The following LIM2 variants were observed in gnomAD, a reference collection of about 807,000 sequenced individuals.
The protein encoded by LIM2 is lens fiber membrane intrinsic protein.
Under a neutral mutation model 19.0 loss-of-function variants are expected in LIM2, and 14 were observed. The observed-to-expected ratio is 0.74, with a 90% CI of 0.49 to 1.15. The LOEUF (loss-of-function observed/expected upper bound fraction) is 1.15. Among genes scored for constraint, LIM2 ranks in the 50% most tolerant of loss-of-function variants. The probability of loss-of-function intolerance (pLI) is 0.00; values close to 1 mark genes in which losing one functional copy is unlikely to be tolerated. For missense variants in LIM2, 230 were observed against 243.5 expected (o/e 0.94, Z 0.37); for synonymous variants, 78 against 89.6 (o/e 0.87, Z 0.73).
At chr19:51,386,308 G>A (rs183583569) in intron 2 of LIM2, among the ~76,000 whole-genome samples, 88 of 150,900 alleles carry the variant, frequency 5.8e-4, no homozygotes, top group African/African-American at 2.1e-3. Flanking sequence ...ATTTTTAGTA[G>A]AGACCGGGTT....
chr19:51,387,069 A>G, intron 2 of LIM2, 200 bp downstream of exon 2: 1 of 984,592 alleles, frequency 1.0e-6, no homozygotes, highest in Admixed American at 2.0e-5. Flanking sequence ...TTAACCTTCA[A>G]ACCAGCACCC....
chr19:51,383,094 G>A lies in LIM2; in HGVS notation c.176-527C>T, dbSNP rs532352440. Among the ~76,000 whole-genome samples, 62 of 135,416 alleles carry A rather than the reference G, an allele frequency of 4.6e-4. 2 individuals carry two copies. The South Asian group carries it at 1.0e-2, about 22-fold the overall frequency. The allele number at this position is 135,416 out of a possible 152,430, so 88.8% of individuals were successfully genotyped here. A position where few individuals can be genotyped will look rare whatever the true frequency, so the allele number is the denominator to read the frequency against. On this transcript the variant is annotated intron_variant, in intron 2 of 4. Transcript: ENST00000596399. ...CTGCCACCCAGGCTGAAGTGCTGTG[G>A]CACAATCTCAGCTCACTGCAGCCTC...
chr19:51,387,863 C>T, intron 1 of LIM2, 56 bp downstream of exon 1: 1 of 232,334 alleles, frequency 4.3e-6, no homozygotes, highest in Admixed American at 5.2e-5. Context: ...AGCTGGGACC[C>T]TAGACTCCTG....
At chr19:51,381,158 A>G (rs140874820) in intron 3 of LIM2, among the ~76,000 whole-genome samples, 7 of 152,050 alleles carry the variant, frequency 4.6e-5, no homozygotes, top group Non-Finnish European at 8.8e-5. Context: ...TAAAAATACA[A>G]TAAAAAAAAA....
chr19:51,380,717 G>A (rs1035926581), intron 3 of LIM2, 78 bp from the exon 4 acceptor site: 2 of 1,557,586 alleles, frequency 1.3e-6, no homozygotes, highest in South Asian at 2.3e-5. Flanking sequence ...AGCTGATGAT[G>A]GGGGTGGGAA....
rs1030632672 is a variant in LIM2, at chr19:51,387,033, C to T, written c.175+236G>A. On this transcript the variant is annotated intron_variant, in intron 2 of 4. Coordinates refer to ENST00000596399, the MANE Select transcript of LIM2 (RefSeq NM_001161748.2). Reference sequence around the variant, plus strand: ...ATTGCTGTGCATGACACCTCTGAAGCGTCAGGAAATGCCACCTCTCCCAAC... The same window carrying T: ...ATTGCTGTGCATGACACCTCTGAAGTGTCAGGAAATGCCACCTCTCCCAAC... 143 of 753,158 alleles carry T rather than the reference C, an allele frequency of 1.9e-4. 1 individual carries two copies. The highest frequency in any genetic ancestry group is 2.7e-4 in the Non-Finnish European group (115 of 422,830). 46.7% of individuals were successfully genotyped at this position (753,158 alleles called of 1,614,324 possible).
intron 3 of LIM2, among the ~76,000 whole-genome samples, chr19:51,381,445 A>G (rs1986890835): frequency 6.6e-6 from 1 of 152,222 alleles, no homozygotes; most frequent in Non-Finnish European, 1.5e-5. Context: ...CAACGATTCA[A>G]TCAGTCATGC....
At chr19:51,384,877 T>A (rs1435732119) in intron 2 of LIM2, among the ~76,000 whole-genome samples, 2 of 151,970 alleles carry the variant, frequency 1.3e-5, no homozygotes, top group Non-Finnish European at 2.9e-5. Flanking sequence ...TATTATTATT[T>A]TTTGAGACAG....
Position 51,380,633 on chromosome 19 carries a change from A to C in LIM2, c.332T>G (p.Phe111Cys). 6.2e-7 allele frequency: 1 copy of C among 1,613,192 alleles called. No homozygotes were observed. Among genetic ancestry groups the C allele is most frequent in the Non-Finnish European group, 8.5e-7 (1 of 1,179,742 alleles). Residue 111 changes from phenylalanine to cysteine, a missense_variant, in exon 4 of 5, where the codon TTC becomes TGC. Phe to Cys is a radical substitution (Grantham distance 205). Coordinates refer to ENST00000596399, the MANE Select transcript of LIM2 (RefSeq NM_001161748.2). ...AGIMFFSSTL[F>C]VVLALAIYTG... is the part of the protein sequence containing the mutation. ...GTAGATGGCCAAGGCCAACACGACG[A>C]AAAGGGCTGGGGAGAGAGGGCGGGA...
At chr19:51,385,678 G>C (rs1430710471) in intron 2 of LIM2, among the ~76,000 whole-genome samples, 1 of 152,202 alleles carries the variant, frequency 6.6e-6, no homozygotes, top group Non-Finnish European at 1.5e-5. Flanking sequence ...AAATGTAGAA[G>C]TGTCACAAAT....
intron 2 of LIM2, among the ~76,000 whole-genome samples, chr19:51,386,266 G>A (rs1987038210): frequency 1.3e-5 from 2 of 151,096 alleles, no homozygotes; most frequent in African/African-American, 4.8e-5. Context: ...TGGGATTACA[G>A]GTGCTCACCA....
At chr19:51,387,503 G>A (rs1346121472) in intron 1 of LIM2, 54 bp from the exon 2 acceptor site, 1 of 1,608,920 alleles carries the variant, frequency 6.2e-7, no homozygotes, top group African/African-American at 1.3e-5. Flanking sequence ...GACTTGAAGG[G>A]AGGAACTGGG....
intron 3 of LIM2, among the ~76,000 whole-genome samples, chr19:51,381,410 T>A (rs542068142): frequency 6.6e-6 from 1 of 152,156 alleles, no homozygotes; most frequent in African/African-American, 2.4e-5. Flanking sequence ...AGAAAGGAAG[T>A]TGGAAACTGC....
intron 2 of LIM2, among the ~76,000 whole-genome samples, chr19:51,385,684 C>G (rs1987021043): frequency 6.6e-6 from 1 of 152,186 alleles, no homozygotes; most frequent in Non-Finnish European, 1.5e-5. Context: ...AGAAGTGTCA[C>G]AAATGAGACA....
At chr19:51,384,828 G>C (rs1040415771) in intron 2 of LIM2, among the ~76,000 whole-genome samples, 3 of 152,108 alleles carry the variant, frequency 2.0e-5, no homozygotes, top group Non-Finnish European at 1.5e-5. Flanking sequence ...AGGATTGCTT[G>C]AGGCCAGGAG....
At chr19:51,380,903 A>G (rs1986878879) in intron 3 of LIM2, among the ~76,000 whole-genome samples, 1 of 152,104 alleles carries the variant, frequency 6.6e-6, no homozygotes, top group Non-Finnish European at 1.5e-5. Flanking sequence ...GGGAGAAACA[A>G]TATTTGGAAC....
chr19:51,386,844 T>A (rs934846124), intron 2 of LIM2, among the ~76,000 whole-genome samples: 1 of 151,644 alleles, frequency 6.6e-6, no homozygotes, highest in Non-Finnish European at 1.5e-5. Context: ...ATACTATATA[T>A]CTCTATGTAT....
intron 4 of LIM2, 114 bp downstream of exon 4, chr19:51,380,391 T>A (rs1986863236): frequency 6.3e-7 from 1 of 1,578,492 alleles, no homozygotes; most frequent in South Asian, 1.1e-5. Flanking sequence ...AGGCCTGGAG[T>A]CTTCCTCCTG....
chr19:51,387,124 C>T (rs1269436186), intron 2 of LIM2, 145 bp downstream of exon 2: 1 of 1,477,260 alleles, frequency 6.8e-7, no homozygotes, highest in African/African-American at 1.4e-5. Flanking sequence ...CCAGTTCTGC[C>T]CCCTCCATGC....
Sources: gnomAD v4.1 joint callset for allele counts (sites outside exome capture counted in the v4.1 genomes callset) on GRCh38, gnomAD v4.1.1 for gene constraint, MANE v1.5 for transcripts, NCBI Gene and HGNC (gene_info 2026-07-23, HGNC 2026-07-21) for gene names.